The following CYRIA variants were observed in gnomAD, a reference collection of about 807,000 sequenced individuals.
CYRIA encodes the protein CYFIP-related Rac1 interactor A.
In CYRIA, 15 loss-of-function variants were observed where a neutral mutation model predicts 43.9. The observed-to-expected ratio is 0.34, with a 90% CI of 0.23 to 0.53. The LOEUF (loss-of-function observed/expected upper bound fraction) is 0.53, where lower values mean the gene tolerates loss of function less well. CYRIA is among the 20% of genes least tolerant of loss of function. The pLI is 0.94. For missense variants in CYRIA, 236 were observed against 394.2 expected, an observed-to-expected ratio of 0.60 and a Z score of 3.40; for synonymous variants, 117 against 136.0, an observed-to-expected ratio of 0.86 and a Z score of 0.97.
At chr2:16,608,210 A>G (rs997259811) in intron 2 of CYRIA, among the ~76,000 whole-genome samples, 6 of 152,210 alleles carry the variant, frequency 3.9e-5, no homozygotes, top group Non-Finnish European at 8.8e-5. Context: ...CATCACCCAC[A>G]CAGACTGAGC....
rs144649696 is a variant in CYRIA at position 16,551,370 on chromosome 2, G to A, written c.*1566C>T. ...CTAAATGCCTGGGTGACTCCTTCTA[G>A]TGGAAACAGGCAAGTAACAATATAG... On this transcript the variant is annotated 3_prime_UTR_variant, in exon 12 of 12. Transcript: ENST00000381323. The A allele has an allele frequency of 1.3e-5, 2 of 152,254 alleles. No individual in the cohort carries two copies. The highest frequency in any genetic ancestry group is 2.9e-5 in the Non-Finnish European group (2 of 68,024). The allele number at this position is 152,254 out of a possible 1,614,324, so 9.4% of individuals were successfully genotyped here. A position where few individuals can be genotyped will look rare whatever the true frequency, so the allele number is the denominator to read the frequency against.
intron 1 of CYRIA, among the ~76,000 whole-genome samples, chr2:16,661,165 C>T (rs764053701): frequency 5.9e-5 from 9 of 152,104 alleles, no homozygotes; most frequent in Non-Finnish European, 7.4e-5. Flanking sequence ...GTCCCAGCTA[C>T]TCAGGAGGCT....
At chr2:16,624,521 G>A (rs1669096595) in intron 1 of CYRIA, among the ~76,000 whole-genome samples, 1 of 152,152 alleles carries the variant, frequency 6.6e-6, no homozygotes, top group Non-Finnish European at 1.5e-5. Flanking sequence ...GAAAAATATT[G>A]TTATAAAATA....
At chr2:16,554,883 A>G (rs906301009) in intron 11 of CYRIA, among the ~76,000 whole-genome samples, 186 bp downstream of exon 11, 2 of 151,970 alleles carry the variant, frequency 1.3e-5, no homozygotes, top group African/African-American at 4.8e-5. Context: ...CTTAAATCTC[A>G]TTTTTTTTCC....
intron 4 of CYRIA, 37 bp from the exon 5 acceptor site, chr2:16,564,131 AGTG>A: frequency 6.6e-7 from 1 of 1,516,924 alleles, no homozygotes. Flanking sequence ...TTTAAAAAGA[AGTG>A]GTAAGCTCCA....
At chr2:16,652,081 C>T (rs1009522225) in intron 1 of CYRIA, among the ~76,000 whole-genome samples, 1 of 152,226 alleles carries the variant, frequency 6.6e-6, no homozygotes, top group African/African-American at 2.4e-5. Context: ...CCCCAGCTCT[C>T]GTTAATGAAC....
At chr2:16,597,241 T>G (rs1341630268) in intron 2 of CYRIA, among the ~76,000 whole-genome samples, 1 of 92,204 alleles carries the variant, frequency 1.1e-5, no homozygotes, top group Non-Finnish European at 2.0e-5. Context: ...TAGATGTCTA[T>G]TAGGTCTGCT....
In CYRIA at chr2:16,562,451, G is replaced by A. The variant is rs548892709; in HGVS notation, c.299-310C>T. ...TAGAAAACCACAGATATGTGTTTTT[G>A]GGTCATGTGCATGAGACAGCCATTC... On this transcript the variant is annotated intron_variant, in intron 5 of 11. Transcript: ENST00000381323. Among the ~76,000 whole-genome samples, 5 of 152,204 alleles carry A rather than the reference G, an allele frequency of 3.3e-5. No homozygotes were observed. In the East Asian group the frequency reaches 7.8e-4, roughly 24 times the overall value.
chr2:16,553,848 A>C (rs538886249), intron 11 of CYRIA, among the ~76,000 whole-genome samples: 1 of 152,260 alleles, frequency 6.6e-6, no homozygotes, highest in South Asian at 2.1e-4. Flanking sequence ...ATGATGCTGG[A>C]AAGCTCAACA....
In CYRIA at chr2:16,562,083, T is replaced by C. The variant is rs889898221; in HGVS notation, c.357A>G (p.Gln119=). 9 of 1,613,522 alleles carry C rather than the reference T, an allele frequency of 5.6e-6. No homozygotes were observed. The highest frequency in any genetic ancestry group is 1.7e-4 in the Middle Eastern group (1 of 6,056). Residue 119 remains glutamine, a synonymous_variant, in exon 6 of 12, where the codon CAA becomes CAG. Coordinates refer to ENST00000381323, the MANE Select transcript of CYRIA (RefSeq NM_030797.4). ...CCAGGGCCTGTTCCCTTTCCAGGTGTTGGGTTGGTGTGTAGGGTGGACAAG... is the reference window on the plus strand; with the variant it reads ...CCAGGGCCTGTTCCCTTTCCAGGTGCTGGGTTGGTGTGTAGGGTGGACAAG... ...SLTCPPYTPT[Q]HLEREQALAK... is the part of the protein sequence containing the mutation.
At chr2:16,559,654 C>T in intron 9 of CYRIA, 68 bp from the exon 10 acceptor site, 2 of 1,566,050 alleles carry the variant, frequency 1.3e-6, no homozygotes, top group South Asian at 1.2e-5. Flanking sequence ...GGCCCCACAA[C>T]TGGATACTTT....
chr2:16,590,712 C>A (rs1296459286), intron 2 of CYRIA, among the ~76,000 whole-genome samples: 3 of 152,082 alleles, frequency 2.0e-5, no homozygotes, highest in Non-Finnish European at 4.4e-5. Context: ...TAACATCAAC[C>A]AAGGTTAATT....
At chr2:16,664,419 G>A (rs2103563510) in intron 1 of CYRIA, among the ~76,000 whole-genome samples, 1 of 152,264 alleles carries the variant, frequency 6.6e-6, no homozygotes, top group Admixed American at 6.5e-5. Flanking sequence ...TCCCAGAAGA[G>A]TCAGAAGGAG....
chr2:16,656,621 G>C (rs1208933322), intron 1 of CYRIA, among the ~76,000 whole-genome samples: 2 of 152,214 alleles, frequency 1.3e-5, no homozygotes, highest in Non-Finnish European at 2.9e-5. Context: ...CAGAGAGGAG[G>C]AGCTGCTGAT....
intron 1 of CYRIA, among the ~76,000 whole-genome samples, chr2:16,644,609 C>T (rs1035587837): frequency 3.3e-5 from 5 of 152,338 alleles, no homozygotes; most frequent in Admixed American, 6.5e-5. Flanking sequence ...TGCAAAGACA[C>T]TTGTCATTAC....
intron 1 of CYRIA, among the ~76,000 whole-genome samples, chr2:16,639,146 G>T (rs371507080): frequency 5.9e-5 from 9 of 152,288 alleles, no homozygotes; most frequent in East Asian, 1.9e-4. Flanking sequence ...TGTCTGGAAG[G>T]CCCTGCCCAG....
intron 3 of CYRIA, among the ~76,000 whole-genome samples, chr2:16,567,897 T>C (rs894409751): frequency 6.6e-6 from 1 of 152,046 alleles, no homozygotes; most frequent in African/African-American, 2.4e-5. Flanking sequence ...TAACTTGAGC[T>C]GGGGCAATGG....
chr2:16,635,643 G>A (rs539221199), intron 1 of CYRIA, among the ~76,000 whole-genome samples: 85 of 152,316 alleles, frequency 5.6e-4, no homozygotes, highest in African/African-American at 2.0e-3. Context: ...CCTCCTCTGG[G>A]AGGGTAGTGA....
Position 16,564,059 on chromosome 2 carries a change from T to G in CYRIA, c.228A>C (p.Glu76Asp). ...IQNPNDIQLQ[E>D]KAWNAVCPLV... is the part of the protein sequence containing the mutation. The stretch of plus-strand genomic sequence containing the variant: ...GAGGGCACACCGCATTCCAAGCTTT[T>G]TCTTGAAGCTGAATGTCATTGGGAT... Residue 76 changes from glutamate to aspartate, a missense_variant, in exon 5 of 12, where the codon GAA (glutamate) becomes GAC (aspartate). Coordinates refer to ENST00000381323, the MANE Select transcript of CYRIA (RefSeq NM_030797.4). The G allele has an allele frequency of 1.9e-6, 3 of 1,613,668 alleles. No individual in the cohort carries two copies. Among genetic ancestry groups the G allele is most frequent in the Non-Finnish European group, 2.5e-6 (3 of 1,179,744 alleles).
Sources: allele counts gnomAD v4.1 joint callset (sites outside exome capture counted in the v4.1 genomes callset), GRCh38; gene constraint gnomAD v4.1.1; transcripts MANE v1.5; gene names NCBI Gene and HGNC (gene_info 2026-07-23, HGNC 2026-07-21).